Variants in SETDB1 observed in about 807,000 individuals in gnomAD.
SETDB1 encodes the protein histone-lysine N-methyltransferase SETDB1.
In SETDB1, 31 loss-of-function variants were observed where a neutral mutation model predicts 137.4. The observed-to-expected ratio is 0.23, with a 90% CI of 0.17 to 0.30. The LOEUF (loss-of-function observed/expected upper bound fraction) is 0.30, where lower values mean the gene tolerates loss of function less well. SETDB1 is among the 10% of genes least tolerant of loss of function. SETDB1 has a pLI of 1.00. For missense variants in SETDB1, 1,113 were observed against 1,631.5 expected (o/e 0.68, Z 5.47); for synonymous variants, 548 against 579.9 (o/e 0.95, Z 0.79).
At chr1:150,930,184 T>C in intron 3 of SETDB1, 66 bp downstream of exon 3, 2 of 1,300,442 alleles carry the variant, frequency 1.5e-6, no homozygotes, top group South Asian at 1.3e-5. Context: ...GATGAGCAAA[T>C]AGAAGATAAT....
intron 14 of SETDB1, among the ~76,000 whole-genome samples, chr1:150,952,004 C>CGGGG (rs57778560): frequency 3.9e-5 from 6 of 151,934 alleles, no homozygotes; most frequent in African/African-American, 1.4e-4. Context: ...AAAAATTAGC[C>CGGGG]GGGGGTGGTG....
At chr1:150,956,215 G>A (rs1490682885) in intron 14 of SETDB1, among the ~76,000 whole-genome samples, 2 of 151,424 alleles carry the variant, frequency 1.3e-5, no homozygotes, top group Admixed American at 6.6e-5. Flanking sequence ...TTGAAACCCC[G>A]TCTCTACTAA....
At chr1:150,963,888 T>C (rs1670904781) in intron 20 of SETDB1, 107 bp from the exon 21 acceptor site, 1 of 1,284,000 alleles carries the variant, frequency 7.8e-7, no homozygotes, top group Admixed American at 1.8e-5. Flanking sequence ...GCATCTATTA[T>C]AATGGGGAGG....
In SETDB1 at chr1:150,937,010, A is replaced by T. The variant is rs143900901; in HGVS notation, c.413-2930A>T. On this transcript the variant is annotated intron_variant, in intron 3 of 21. Transcript: ENST00000692827. The stretch of plus-strand genomic sequence containing the variant: ...TATGGTGGTGGGTGCCTGTAATCCC[A>T]GCTACTGGGGAGGCAGCGGCACAAG... 3.9e-5 allele frequency among the ~76,000 whole-genome samples: 6 copies of T among 152,278 alleles called. No individual in the cohort carries two copies. In the East Asian group the frequency reaches 1.2e-3, roughly 29 times the overall value.
At chr1:150,945,878 T>C (rs902279240) in intron 9 of SETDB1, among the ~76,000 whole-genome samples, 1 of 152,144 alleles carries the variant, frequency 6.6e-6, no homozygotes, top group Non-Finnish European at 1.5e-5. Context: ...ATTTTTTGTA[T>C]TTTTAGTAGA....
rs760692892 is a variant in SETDB1, at chr1:150,960,982, G to A, written c.2923G>A (p.Glu975Lys). 22 of 1,613,230 alleles carry A rather than the reference G, an allele frequency of 1.4e-5. No individual in the cohort carries two copies. The highest frequency in any genetic ancestry group is 2.2e-5 in the South Asian group (2 of 91,048). Residue 975 changes from glutamate (E) to lysine (K), a missense_variant, in exon 16 of 22, where the codon GAA (glutamate) becomes AAA (lysine). This residue lies in a region of SETDB1 where 373 missense variants were observed against 412.7 expected (regional missense o/e 0.90). Coordinates refer to ENST00000692827, the MANE Select transcript of SETDB1 (RefSeq NM_001366418.1). ...PVGGCNPPSS[E>K]ETPKNKVASW... ...AGGTGGCTGCAATCCACCTTCCTCCGAAGAGACACCCAAGAACAAGGTGGC... is the reference window on the plus strand; with the variant it reads ...AGGTGGCTGCAATCCACCTTCCTCCAAAGAGACACCCAAGAACAAGGTGGC...
rs770018847 is a variant in SETDB1 at position 150,949,359 on chromosome 1, TCTC to T, written c.1425-5_1425-3del. 7 of 1,614,022 alleles carry T rather than the reference TCTC, an allele frequency of 4.3e-6. No homozygotes were observed. Among genetic ancestry groups the T allele is most frequent in the East Asian group, 2.2e-5 (1 of 44,890 alleles). ...CCTTACTATATGCCCTCTTCTCTAA[TCTC>T]CTAGAAGCTTGGAAAGCCAGCTTGC... On this transcript the variant is annotated splice_region_variant and splice_polypyrimidine_tract_variant and intron_variant, in intron 11 of 21. Transcript: ENST00000692827.
At chr1:150,940,086 G>T in intron 4 of SETDB1, 112 bp downstream of exon 4, 1 of 711,154 alleles carries the variant, frequency 1.4e-6, no homozygotes, top group South Asian at 1.9e-5. Context: ...TTCACCCTGT[G>T]ATCAGCCCTT....
Position 150,949,349 on chromosome 1 carries a change from T to C in SETDB1, c.1425-18T>C, listed in dbSNP as rs920444851. On this transcript the variant is annotated intron_variant, in intron 11 of 21. Coordinates refer to ENST00000692827, the MANE Select transcript of SETDB1 (RefSeq NM_001366418.1). ...TTTCCACATCCCTTACTATATGCCC[T>C]CTTCTCTAATCTCCTAGAAGCTTGG... 1.2e-6 allele frequency: 2 copies of C among 1,613,964 alleles called. No homozygotes were observed. The highest frequency in any genetic ancestry group is 2.7e-5 in the African/African-American group (2 of 75,032).
chr1:150,960,084 CAAAA>C (rs925292466), intron 15 of SETDB1, among the ~76,000 whole-genome samples: 1 of 130,594 alleles, frequency 7.7e-6, no homozygotes, highest in Non-Finnish European at 1.7e-5. Flanking sequence ...AAAAACAAAA[CAAAA>C]AAAAAAACAG....
rs931822782 is a variant in SETDB1 at position 150,926,420 on chromosome 1, T to G, written c.-109T>G. ...TTCCTCCCCTCCCCCTCCTCCCTTA[T>G]CCCTTCGCTTTCGCTCTTTTCCGTC... On this transcript the variant is annotated 5_prime_UTR_variant, in exon 1 of 22. Coordinates refer to ENST00000692827, the MANE Select transcript of SETDB1 (RefSeq NM_001366418.1). The G allele has an allele frequency of 3.5e-6, 1 of 282,544 alleles. No individual in the cohort carries two copies. Among genetic ancestry groups the G allele is most frequent in the Non-Finnish European group, 6.9e-6 (1 of 145,926 alleles). The allele number at this position is 282,544 out of a possible 1,614,324, so 17.5% of individuals were successfully genotyped here. A position where few individuals can be genotyped will look rare whatever the true frequency, so the allele number is the denominator to read the frequency against.
rs760343400 is a variant in SETDB1 at position 150,964,347 on chromosome 1, A to C, written c.3862A>C (p.Arg1288=). The C allele has an allele frequency of 5.0e-6, 8 of 1,612,892 alleles. No individual in the cohort carries two copies. The highest frequency in any genetic ancestry group is 6.8e-6 in the Non-Finnish European group (8 of 1,178,966). The change falls in exon 22 of 22, where the codon AGA becomes CGA. Residue 1288 remains arginine, a synonymous_variant. Transcript: ENST00000692827. The part of the protein sequence containing the change: ...LLCCCGAIEC[R]GRLL ...CTGTTGCTGTGGGGCCATTGAATGCAGAGGACGTCTTCTTTAGAGGACAGC... is the reference window on the plus strand; with the variant it reads ...CTGTTGCTGTGGGGCCATTGAATGCCGAGGACGTCTTCTTTAGAGGACAGC...
At chr1:150,963,373 G>GAA in intron 19 of SETDB1, 157 bp from the exon 20 acceptor site, 3 of 758,004 alleles carry the variant, frequency 4.0e-6, no homozygotes, top group Non-Finnish European at 4.3e-6. Context: ...AATTATGCTT[G>GAA]AAAAAAAAAC....
rs587747773 is a variant in SETDB1, at chr1:150,958,290, C to T, written c.2334-888C>T. 4.8e-5 allele frequency among the ~76,000 whole-genome samples: 6 copies of T among 124,196 alleles called. No individual in the cohort carries two copies. The South Asian group carries it at 1.6e-3, about 33-fold the overall frequency. 81.5% of individuals were successfully genotyped at this position (124,196 alleles called of 152,430 possible). ...TTTTTGTGACAGAGTCTCACCCTGT[C>T]GCCCAGATTGGAGTGCAGTGGCTTG... On this transcript the variant is annotated intron_variant, in intron 14 of 21. Transcript: ENST00000692827.
At chr1:150,945,171 A>C in intron 9 of SETDB1, 63 bp downstream of exon 9, 3 of 1,603,074 alleles carry the variant, frequency 1.9e-6, no homozygotes, top group Non-Finnish European at 2.6e-6. Flanking sequence ...AAGAAGCAGT[A>C]ATGAGGATGG....
chr1:150,963,849 G>C, intron 20 of SETDB1, 108 bp downstream of exon 20: 2 of 1,316,808 alleles, frequency 1.5e-6, no homozygotes, highest in Non-Finnish European at 2.2e-6. Flanking sequence ...TGATCTCAAA[G>C]GATCTTAAAG....
intron 3 of SETDB1, among the ~76,000 whole-genome samples, chr1:150,936,211 G>C (rs1054214236): frequency 6.6e-6 from 1 of 152,034 alleles, no homozygotes; most frequent in Non-Finnish European, 1.5e-5. Context: ...GGATGGTCTC[G>C]ATCTCCTGAC....
At chr1:150,962,562 G>A in intron 17 of SETDB1, 25 bp from the exon 18 acceptor site, 1 of 1,612,954 alleles carries the variant, frequency 6.2e-7, no homozygotes, top group Non-Finnish European at 8.5e-7. Context: ...TAACCTGTTG[G>A]CTTCATTCCT....
chr1:150,949,040 A>G (rs972820671), intron 10 of SETDB1, 82 bp from the exon 11 acceptor site: 7 of 1,341,838 alleles, frequency 5.2e-6, no homozygotes, highest in East Asian at 4.7e-5. Context: ...TTTATATTGT[A>G]TAAGTTAAGG....
Sources: gnomAD v4.1 joint callset for allele counts (sites outside exome capture counted in the v4.1 genomes callset) on GRCh38, gnomAD v4.1.1 for gene constraint, gnomAD v4.1.1 regional missense constraint, MANE v1.5 for transcripts, NCBI Gene and HGNC (gene_info 2026-07-23, HGNC 2026-07-21) for gene names.